The following PUS7 variants were observed in gnomAD, a reference collection of about 807,000 sequenced individuals.
The protein encoded by PUS7 is pseudouridylate synthase 7 homolog.
In PUS7, 48 loss-of-function variants were observed where a neutral mutation model predicts 79.8. That is an observed-to-expected ratio of 0.60 (90% CI 0.48 to 0.76). The LOEUF (loss-of-function observed/expected upper bound fraction) is 0.76. PUS7 is among the 30% of genes least tolerant of loss of function. PUS7 has a pLI of 0.00. For synonymous variants in PUS7, 286 were observed against 272.2 expected (o/e 1.05, Z -0.50); for missense variants, 729 against 797.6 (o/e 0.91, Z 1.04).
At chr7:105,521,841 A>C (rs1277468268) in intron 1 of PUS7, among the ~76,000 whole-genome samples, 9 of 151,430 alleles carry the variant, frequency 5.9e-5, no homozygotes, top group African/African-American at 2.2e-4. Context: ...CGGCGCCTGC[A>C]CCGCCGAAGC....
chr7:105,518,662 T>A (rs937775455), intron 1 of PUS7, among the ~76,000 whole-genome samples: 1 of 152,198 alleles, frequency 6.6e-6, no homozygotes, highest in Admixed American at 6.6e-5. Flanking sequence ...CAACTGGGAT[T>A]ACAGGTGTGC....
At chr7:105,510,621 C>T (rs1459817032) in intron 1 of PUS7, among the ~76,000 whole-genome samples, 1 of 152,022 alleles carries the variant, frequency 6.6e-6, no homozygotes, top group Non-Finnish European at 1.5e-5. Context: ...TCAAGCCATC[C>T]TCCTACCTCA....
rs140679141 is a variant in PUS7, at chr7:105,497,431, T to C, written c.731-2178A>G. ...TTCTGCGTTTCATGAATTTCTTGCATTGAATTATAAAGACTTTTAAATTTG... is the reference window on the plus strand; with the variant it reads ...TTCTGCGTTTCATGAATTTCTTGCACTGAATTATAAAGACTTTTAAATTTG... On this transcript the variant is annotated intron_variant, in intron 5 of 15. Coordinates refer to ENST00000469408, the MANE Select transcript of PUS7 (RefSeq NM_019042.5). Among the ~76,000 whole-genome samples, 422 of 152,328 alleles carry C rather than the reference T, an allele frequency of 2.8e-3. 3 individuals carry two copies. The highest frequency in any genetic ancestry group is 9.7e-3 in the African/African-American group (404 of 41,584).
chr7:105,480,364 A>G (rs1366505556), intron 9 of PUS7, among the ~76,000 whole-genome samples: 1 of 152,136 alleles, frequency 6.6e-6, no homozygotes, highest in Non-Finnish European at 1.5e-5. Context: ...AATCTCAGCT[A>G]CTTGGGATGC....
intron 1 of PUS7, among the ~76,000 whole-genome samples, chr7:105,519,842 G>T (rs1562827545): frequency 6.6e-6 from 1 of 152,148 alleles, no homozygotes; most frequent in Non-Finnish European, 1.5e-5. Flanking sequence ...CAAAGACAAG[G>T]AAGAACCAGA....
intron 1 of PUS7, among the ~76,000 whole-genome samples, chr7:105,520,619 G>A (rs1427173269): frequency 1.5e-4 from 23 of 152,138 alleles, no homozygotes; most frequent in Non-Finnish European, 2.4e-4. Context: ...CTACTCCGGA[G>A]GCTGAGGCAG....
intron 1 of PUS7, among the ~76,000 whole-genome samples, chr7:105,515,786 T>TTTA (rs1326374914): frequency 3.8e-4 from 22 of 58,154 alleles, no homozygotes; most frequent in African/African-American, 1.4e-3. Context: ...TTGTATTTTA[T>TTTA]TTTATTTTAT....
At chr7:105,521,972 G>A (rs573409889) in intron 1 of PUS7, 80 bp downstream of exon 1, 58 of 152,568 alleles carry the variant, frequency 3.8e-4, no homozygotes, top group African/African-American at 1.3e-3. Context: ...ACTGCCTCTT[G>A]GGGCGGGGCC....
rs565966457 is a variant in PUS7 at position 105,477,682 on chromosome 7, C to T, written c.1175+3370G>A. ...AACTGTGGAGCATTACACAATTTTA[C>T]AACATTTTTATTACCCACCCCCACC... On this transcript the variant is annotated intron_variant, in intron 9 of 15. Coordinates refer to ENST00000469408, the MANE Select transcript of PUS7 (RefSeq NM_019042.5). 8.5e-5 allele frequency among the ~76,000 whole-genome samples: 13 copies of T among 152,184 alleles called. No homozygotes were observed. In the East Asian group the frequency reaches 2.5e-3, roughly 29 times the overall value.
At chr7:105,489,024 T>C (rs545587286) in intron 7 of PUS7, among the ~76,000 whole-genome samples, 6 of 151,580 alleles carry the variant, frequency 4.0e-5, no homozygotes, top group Admixed American at 2.6e-4. Flanking sequence ...GGCGGGCGCC[T>C]GTAGTCCCAG....
At chr7:105,472,106 T>A in intron 10 of PUS7, 26 bp downstream of exon 10, 1 of 1,508,126 alleles carries the variant, frequency 6.6e-7, no homozygotes, top group Non-Finnish European at 9.2e-7. Context: ...TTCTATTTAT[T>A]TTCTTAACAT....
At chr7:105,497,718 G>A (rs1825093462) in intron 5 of PUS7, among the ~76,000 whole-genome samples, 1 of 152,138 alleles carries the variant, frequency 6.6e-6, no homozygotes, top group African/African-American at 2.4e-5. Context: ...CTGGCAAATA[G>A]ATACTGAAAT....
chr7:105,503,415 T>C (rs1342493886), intron 4 of PUS7, among the ~76,000 whole-genome samples: 2 of 152,166 alleles, frequency 1.3e-5, no homozygotes, highest in South Asian at 2.1e-4. Context: ...TTCTAGCACA[T>C]GGGTTTACAG....
At chr7:105,479,511 C>T (rs1052017555) in intron 9 of PUS7, among the ~76,000 whole-genome samples, 1 of 152,122 alleles carries the variant, frequency 6.6e-6, no homozygotes, top group Non-Finnish European at 1.5e-5. Context: ...CTAACTCCCA[C>T]GCGAATAATT....
At chr7:105,478,808 T>C (rs1450089636) in intron 9 of PUS7, among the ~76,000 whole-genome samples, 1 of 152,256 alleles carries the variant, frequency 6.6e-6, no homozygotes, top group Admixed American at 6.5e-5. Flanking sequence ...TATTCTTATG[T>C]TGTGAAAATG....
intron 9 of PUS7, among the ~76,000 whole-genome samples, chr7:105,479,472 A>G (rs1824231116): frequency 6.6e-6 from 1 of 152,202 alleles, no homozygotes; most frequent in Admixed American, 6.5e-5. Flanking sequence ...GGACGCTTAG[A>G]TAACTTCCAG....
In PUS7 at chr7:105,506,241, T is replaced by C; in HGVS notation, c.431A>G (p.Lys144Arg). ...YSDFVVHEIGKDGRISHLNDL... is the reference protein window; with the variant it reads ...YSDFVVHEIGRDGRISHLNDL... ...ATTCAAATGGCTGATCCGTCCATCT[T>C]TTCCTATTTCATGAACAACGAAGTC... The change falls in exon 3 of 16, where the codon AAA becomes AGA. Residue 144 changes from lysine (K) to arginine (R), a missense_variant. Lys to Arg is a conservative substitution (Grantham distance 26). Coordinates refer to ENST00000469408, the MANE Select transcript of PUS7 (RefSeq NM_019042.5). 1.2e-6 allele frequency: 2 copies of C among 1,613,326 alleles called. No homozygotes were observed. The highest frequency in any genetic ancestry group is 1.7e-6 in the Non-Finnish European group (2 of 1,179,720).
chr7:105,481,013 T>C, intron 9 of PUS7, 39 bp downstream of exon 9: 1 of 1,592,066 alleles, frequency 6.3e-7, no homozygotes, highest in Non-Finnish European at 8.6e-7. Context: ...GCTTTGTTTA[T>C]GAGAAAGCTA....
rs765146241 is a variant in PUS7, at chr7:105,508,126, G to A, written c.387C>T (p.Ile129=). The stretch of plus-strand genomic sequence containing the variant: ...TAAACTAAATGTACCTTTCTTTTAA[G>A]ATTCCCGAGAACCCTTGATGAGAAC... ...FVSSHQGFSG[I]LKERYSDFVV... is the part of the protein sequence containing the mutation. Residue 129 remains isoleucine, a synonymous_variant, in exon 2 of 16, where the codon ATC becomes ATT. Transcript: ENST00000469408. 1.2e-6 allele frequency: 2 copies of A among 1,609,600 alleles called. No homozygotes were observed. Among genetic ancestry groups the A allele is most frequent in the East Asian group, 4.5e-5 (2 of 44,804 alleles).
Sources: allele counts gnomAD v4.1 joint callset (sites outside exome capture counted in the v4.1 genomes callset), GRCh38; gene constraint gnomAD v4.1.1; transcripts MANE v1.5; gene names NCBI Gene and HGNC (gene_info 2026-07-23, HGNC 2026-07-21).